The following NKAIN2 variants were observed in gnomAD, a reference collection of about 807,000 sequenced individuals.
NKAIN2 encodes the protein sodium/potassium-transporting ATPase subunit beta-1-interacting protein 2.
NKAIN2 carries 14 observed loss-of-function variants against 32.6 expected under a neutral mutation model. The observed-to-expected ratio is 0.43, with a 90% CI of 0.28 to 0.67. The LOEUF is 0.67. NKAIN2 is among the 30% of genes least tolerant of loss of function. The probability of loss-of-function intolerance (pLI) is 0.17; values close to 1 mark genes in which losing one functional copy is unlikely to be tolerated. For synonymous variants in NKAIN2, 80 were observed against 87.2 expected (o/e 0.92, Z 0.46); for missense variants, 198 against 258.3 (o/e 0.77, Z 1.60).
At chr6:124,798,973 T>C (rs1408735081) in intron 5 of NKAIN2, among the ~76,000 whole-genome samples, 3 of 152,158 alleles carry the variant, frequency 2.0e-5, no homozygotes, top group East Asian at 1.9e-4. Context: ...AATGAATCAA[T>C]TGGATCTCCA....
At chr6:124,208,736 A>G (rs1031047253) in intron 1 of NKAIN2, among the ~76,000 whole-genome samples, 1 of 149,592 alleles carries the variant, frequency 6.7e-6, no homozygotes, top group Admixed American at 6.8e-5. Context: ...AAATTCCTGT[A>G]TATATTATTC....
At chr6:123,997,729 G>A (rs1049209672) in intron 1 of NKAIN2, among the ~76,000 whole-genome samples, 65 of 147,970 alleles carry the variant, frequency 4.4e-4, no homozygotes, top group South Asian at 1.1e-3. Context: ...TCAGCCTCCC[G>A]AGTGGCTGGG....
intron 1 of NKAIN2, among the ~76,000 whole-genome samples, chr6:124,272,066 A>C (rs1794819033): frequency 1.3e-5 from 2 of 152,348 alleles, no homozygotes; most frequent in Admixed American, 6.5e-5. Flanking sequence ...GCAGAGCATA[A>C]AAATTCAAAA....
intron 1 of NKAIN2, among the ~76,000 whole-genome samples, chr6:123,908,846 G>A (rs979642473): frequency 2.6e-5 from 4 of 152,170 alleles, no homozygotes; most frequent in Admixed American, 2.6e-4. Flanking sequence ...TAAGTTTTCA[G>A]ATTGCTTCTA....
At chr6:124,686,287 C>A (rs138570594) in intron 4 of NKAIN2, among the ~76,000 whole-genome samples, 152 of 152,270 alleles carry the variant, frequency 1.0e-3, no homozygotes, top group African/African-American at 3.5e-3. Context: ...TAAGGAAATA[C>A]CTGAGGCTGG....
intron 1 of NKAIN2, among the ~76,000 whole-genome samples, chr6:123,973,003 A>T (rs892303014): frequency 5.3e-5 from 8 of 152,152 alleles, no homozygotes; most frequent in African/African-American, 1.9e-4. Context: ...ATATTTTGTA[A>T]CTTTTATATT....
chr6:124,266,417 A>G (rs1379780680), intron 1 of NKAIN2, among the ~76,000 whole-genome samples: 1 of 152,096 alleles, frequency 6.6e-6, no homozygotes, highest in African/African-American at 2.4e-5. Context: ...AGCTGGGACT[A>G]CAGGCACACA....
Position 123,944,387 on chromosome 6 carries a change from C to CA in NKAIN2, c.54+140134dup, listed in dbSNP as rs1776972278. 3.9e-5 allele frequency among the ~76,000 whole-genome samples: 6 copies of CA among 152,044 alleles called. No individual in the cohort carries two copies. In the South Asian group the frequency reaches 1.2e-3, roughly 31 times the overall value. On this transcript the variant is annotated intron_variant, in intron 1 of 6. Coordinates refer to ENST00000368417, the MANE Select transcript of NKAIN2 (RefSeq NM_001040214.3). ...CACTTTCTCAAAGGAAACCCTAACC[C>CA]AGCTTTCCCCTTGACTCCCCACCTT...
intron 1 of NKAIN2, among the ~76,000 whole-genome samples, chr6:123,940,383 T>TAC (rs112837392): frequency 0.033 from 4,832 of 147,068 alleles, 121 homozygotes; most frequent in African/African-American, 0.078. Flanking sequence ...TATATATAGA[T>TAC]ACACACACAC....
intron 4 of NKAIN2, among the ~76,000 whole-genome samples, chr6:124,778,329 C>T (rs1779073868): frequency 6.6e-6 from 1 of 151,490 alleles, no homozygotes; most frequent in Admixed American, 6.6e-5. Flanking sequence ...TCTTATAGCA[C>T]TTGATAGCAA....
intron 1 of NKAIN2, among the ~76,000 whole-genome samples, chr6:123,986,440 G>A (rs1779140937): frequency 6.6e-6 from 1 of 152,054 alleles, no homozygotes; most frequent in African/African-American, 2.4e-5. Flanking sequence ...TATATATACT[G>A]GGGCAAAAAG....
At chr6:124,190,741 T>C (rs1789974357) in intron 1 of NKAIN2, among the ~76,000 whole-genome samples, 1 of 152,176 alleles carries the variant, frequency 6.6e-6, no homozygotes, top group Non-Finnish European at 1.5e-5. Flanking sequence ...ACAAATTACA[T>C]GTAAGATTAA....
At chr6:124,701,475 T>C (rs796097114) in intron 4 of NKAIN2, among the ~76,000 whole-genome samples, 20 of 152,208 alleles carry the variant, frequency 1.3e-4, no homozygotes, top group African/African-American at 4.6e-4. Flanking sequence ...AAAGTTGATA[T>C]AGCTTTATAA....
chr6:124,095,485 A>G (rs1351895637), intron 1 of NKAIN2, among the ~76,000 whole-genome samples: 3 of 152,200 alleles, frequency 2.0e-5, no homozygotes, highest in Non-Finnish European at 4.4e-5. Context: ...CTATATATAC[A>G]ACCTTTCAAA....
intron 3 of NKAIN2, among the ~76,000 whole-genome samples, chr6:124,559,200 C>G (rs1780591726): frequency 6.6e-6 from 1 of 151,940 alleles, no homozygotes; most frequent in Admixed American, 6.6e-5. Context: ...ACAGCAGTGT[C>G]AAAGAATAAA....
At chr6:123,877,344 C>T (rs969841363) in intron 1 of NKAIN2, among the ~76,000 whole-genome samples, 5 of 152,140 alleles carry the variant, frequency 3.3e-5, no homozygotes, top group African/African-American at 1.2e-4. Flanking sequence ...CTTAAACCAT[C>T]CTTGTATTAT....
intron 4 of NKAIN2, among the ~76,000 whole-genome samples, chr6:124,747,658 C>A (rs796967077): frequency 1.5e-4 from 23 of 151,782 alleles, no homozygotes; most frequent in African/African-American, 5.3e-4. Context: ...ATTTTAAAAT[C>A]TTTCATTGAT....
chr6:124,335,860 C>T (rs540601826), intron 2 of NKAIN2, among the ~76,000 whole-genome samples: 4 of 152,168 alleles, frequency 2.6e-5, no homozygotes, highest in South Asian at 4.2e-4. Flanking sequence ...GGTTGGAACA[C>T]ACTTTATCTA....
intron 2 of NKAIN2, among the ~76,000 whole-genome samples, chr6:124,285,986 A>G (rs564251370): frequency 8.5e-5 from 13 of 152,274 alleles, no homozygotes; most frequent in Admixed American, 2.0e-4. Flanking sequence ...GACCTTTATA[A>G]TTTTTATATT....
Sources: gnomAD v4.1 joint callset for allele counts (sites outside exome capture counted in the v4.1 genomes callset) on GRCh38, gnomAD v4.1.1 for gene constraint, MANE v1.5 for transcripts, NCBI Gene and HGNC (gene_info 2026-07-23, HGNC 2026-07-21) for gene names.